Variants in OTUD6B observed in about 807,000 individuals in gnomAD.
OTUD6B encodes OTU deubiquitinase 6B, also known as deubiquitinase OTUD6B.
Under a neutral mutation model 36.9 loss-of-function variants are expected in OTUD6B, and 41 were observed. That is an observed-to-expected ratio of 1.11 (90% CI 0.87 to 1.44). The LOEUF is 1.44. Among genes scored for constraint, OTUD6B ranks in the 40% most tolerant of loss-of-function variants. The pLI is 0.00. For synonymous variants in OTUD6B, 114 were observed against 114.2 expected (o/e 1.00, Z 0.01); for missense variants, 356 against 344.8 (o/e 1.03, Z -0.26).
chr8:91,071,368 T>G (rs1283308542), intron 2 of OTUD6B, 79 bp downstream of exon 2: 1 of 1,047,414 alleles, frequency 9.5e-7, no homozygotes, highest in Admixed American at 2.8e-5. Context: ...AAACTGCTTT[T>G]TTTTTTTTTT....
chr8:91,082,984 T>A (rs953573511), intron 5 of OTUD6B, among the ~76,000 whole-genome samples: 1 of 151,862 alleles, frequency 6.6e-6, no homozygotes, highest in South Asian at 2.1e-4. Context: ...GCTGGAATTA[T>A]GGGTGTGAGC....
chr8:91,071,107 G>A, intron 1 of OTUD6B, 31 bp from the exon 2 acceptor site: 1 of 1,609,744 alleles, frequency 6.2e-7, no homozygotes, highest in Non-Finnish European at 8.5e-7. Flanking sequence ...ACTCCTGCGT[G>A]TCTGACTTAA....
intron 3 of OTUD6B, among the ~76,000 whole-genome samples, chr8:91,075,367 T>A (rs1812782876): frequency 6.6e-6 from 1 of 152,100 alleles, no homozygotes; most frequent in East Asian, 1.9e-4. Context: ...GCCAGTAGCA[T>A]AACAAAACAT....
intron 2 of OTUD6B, 72 bp from the exon 3 acceptor site, chr8:91,073,759 G>A (rs567939261): frequency 6.9e-7 from 1 of 1,454,356 alleles, no homozygotes; most frequent in South Asian, 1.4e-5. Context: ...TGAAATGTGG[G>A]ATTAGATATA....
chr8:91,077,774 CCT>C (rs1208054456), intron 3 of OTUD6B, among the ~76,000 whole-genome samples: 3 of 151,974 alleles, frequency 2.0e-5, no homozygotes, highest in Non-Finnish European at 4.4e-5. Flanking sequence ...GCATACCAAA[CCT>C]CTAGAGCAAG....
At chr8:91,072,686 T>C (rs142983314) in intron 2 of OTUD6B, among the ~76,000 whole-genome samples, 1 of 152,340 alleles carries the variant, frequency 6.6e-6, no homozygotes, top group Non-Finnish European at 1.5e-5. Context: ...CTCCAGGCGT[T>C]AAATTGTGTT....
In OTUD6B at chr8:91,071,070, A is replaced by G. The variant is rs1812685927; in HGVS notation, c.83-68A>G. 4 of 1,585,084 alleles carry G rather than the reference A, an allele frequency of 2.5e-6. No homozygotes were observed. In the Admixed American group the frequency reaches 5.8e-5, roughly 23 times the overall value. On this transcript the variant is annotated intron_variant, in intron 1 of 6. Transcript: ENST00000404789. ...ACCCTTCGCCCGTTACCATCCCCTTATTGGTTCCTGTTTCTCATCTCCTTT... is the reference window on the plus strand; with the variant it reads ...ACCCTTCGCCCGTTACCATCCCCTTGTTGGTTCCTGTTTCTCATCTCCTTT...
At chr8:91,080,850 A>G (rs1372384588) in intron 5 of OTUD6B, 120 bp downstream of exon 5, 2 of 707,428 alleles carry the variant, frequency 2.8e-6, no homozygotes, top group Admixed American at 2.9e-5. Flanking sequence ...TTTTCTTTAT[A>G]TATTTGCTCT....
chr8:91,081,205 G>A (rs920400517), intron 5 of OTUD6B, among the ~76,000 whole-genome samples: 4 of 151,658 alleles, frequency 2.6e-5, no homozygotes, highest in East Asian at 1.9e-4. Flanking sequence ...TATTAAAATC[G>A]TATTTTGAAT....
intron 2 of OTUD6B, among the ~76,000 whole-genome samples, chr8:91,071,628 G>C (rs1305067363): frequency 6.6e-6 from 1 of 152,164 alleles, no homozygotes; most frequent in Non-Finnish European, 1.5e-5. Flanking sequence ...GATTACAGGC[G>C]TGAGCCACCG....
At chr8:91,083,372 A>G (rs1040828183) in intron 5 of OTUD6B, among the ~76,000 whole-genome samples, 3 of 152,174 alleles carry the variant, frequency 2.0e-5, no homozygotes, top group Admixed American at 2.0e-4. Flanking sequence ...CGTATTCAAA[A>G]GTAGACTAGT....
chr8:91,073,820 G>T lies in OTUD6B; in HGVS notation c.235-11G>T. On this transcript the variant is annotated splice_polypyrimidine_tract_variant and intron_variant, in intron 2 of 6. Coordinates refer to ENST00000404789, the MANE Select transcript of OTUD6B (RefSeq NM_016023.5). ...GTACATTGACTTGTTAATGCTTTTT[G>T]TTTCCTTCAGATAGATTCTGTTGCT... The T allele has an allele frequency of 6.4e-7, 1 of 1,561,456 alleles. No individual in the cohort carries two copies. Among genetic ancestry groups the T allele is most frequent in the Admixed American group, 1.9e-5 (1 of 52,350 alleles).
In OTUD6B at chr8:91,078,568, G is replaced by A. The variant is rs1563581947; in HGVS notation, c.528G>A (p.Val176=). The A allele has an allele frequency of 1.2e-6, 2 of 1,607,568 alleles. No homozygotes were observed. Among genetic ancestry groups the A allele is most frequent in the Non-Finnish European group, 8.5e-7 (1 of 1,176,580 alleles). ...AAGAAAAGGATTGTGCTCTGACTGT[G>A]GTTGCCTTGAGAAGTCAGACCGCTG... ...QLKEKDCALT[V]VALRSQTAEY... Residue 176 remains valine, a synonymous_variant, in exon 4 of 7, where the codon GTG becomes GTA. Transcript: ENST00000404789.
intron 4 of OTUD6B, 77 bp from the exon 5 acceptor site, chr8:91,080,592 G>C: frequency 6.6e-7 from 1 of 1,515,040 alleles, no homozygotes; most frequent in South Asian, 1.3e-5. Context: ...GTCAGGAATT[G>C]TGGGAACTAT....
chr8:91,079,762 G>A (rs1195252096), intron 4 of OTUD6B, among the ~76,000 whole-genome samples: 1 of 152,110 alleles, frequency 6.6e-6, no homozygotes, highest in Non-Finnish European at 1.5e-5. Flanking sequence ...TGCGCTAGTT[G>A]TAGGGCATAG....
At chr8:91,076,466 A>G in intron 3 of OTUD6B, 1 of 1,464,992 alleles carries the variant, frequency 6.8e-7, no homozygotes, top group East Asian at 2.8e-5. Flanking sequence ...AAATGAAATG[A>G]TTAGAATTAG....
chr8:91,078,738 A>G (rs1812847836), intron 4 of OTUD6B, 70 bp downstream of exon 4: 1 of 1,051,330 alleles, frequency 9.5e-7, no homozygotes, highest in Non-Finnish European at 1.4e-6. Context: ...GGTGCTTCCC[A>G]GCACTGAGCG....
intron 3 of OTUD6B, among the ~76,000 whole-genome samples, chr8:91,074,898 C>T (rs562148982): frequency 4.6e-5 from 7 of 151,992 alleles, no homozygotes; most frequent in South Asian, 2.1e-4. Flanking sequence ...ATCTATAAAA[C>T]GGGGGCAAAT....
In OTUD6B at chr8:91,078,415, AAACTT is replaced by A. The variant is rs759317757; in HGVS notation, c.379_383del (p.Leu127ArgfsTer8). 1.3e-6 allele frequency: 2 copies of A among 1,597,036 alleles called. No individual in the cohort carries two copies. Among genetic ancestry groups the A allele is most frequent in the Non-Finnish European group, 8.5e-7 (1 of 1,170,958 alleles). ...AACGGATAGCTGAAGCTGAAATTGA[AAACTT>A]AACAGGAGCCAGACATATGGAAAGT... On this transcript the variant is annotated frameshift_variant, in exon 4 of 7. Transcript: ENST00000404789. LOFTEE classifies it high-confidence loss of function.
Sources: allele counts gnomAD v4.1 joint callset (sites outside exome capture counted in the v4.1 genomes callset), GRCh38; gene constraint gnomAD v4.1.1; transcripts MANE v1.5; gene names NCBI Gene and HGNC (gene_info 2026-07-23, HGNC 2026-07-21).